ANKUB1: variants seen among roughly 807,000 people sequenced by gnomAD.
ANKUB1 encodes the protein ankyrin repeat and ubiquitin domain containing 1.
Under a neutral mutation model 49.3 loss-of-function variants are expected in ANKUB1, and 42 were observed. The observed-to-expected ratio is 0.85, with a 90% CI of 0.67 to 1.10. ANKUB1 has a LOEUF of 1.10. ANKUB1 is among the 50% of genes least tolerant of loss of function. The pLI is 0.00. For synonymous variants in ANKUB1, 222 were observed against 231.0 expected, an observed-to-expected ratio of 0.96 and a Z score of 0.35; for missense variants, 613 against 642.0, an observed-to-expected ratio of 0.95 and a Z score of 0.49.
chr3:149,764,007 C>G (rs777024239), intron 5 of ANKUB1: 1 of 456,236 alleles, frequency 2.2e-6, no homozygotes, highest in South Asian at 1.5e-5. Context: ...ACAGGAACAT[C>G]TGATGGTCAC....
rs549144007 is a variant in ANKUB1, at chr3:149,767,056, T to C, written c.1505+101A>G. The C allele has an allele frequency of 5.1e-6, 6 of 1,187,744 alleles. No homozygotes were observed. The East Asian group carries it at 1.3e-4, about 25-fold the overall frequency. 73.6% of individuals were successfully genotyped at this position (1,187,744 alleles called of 1,614,324 possible). On this transcript the variant is annotated intron_variant, in intron 5 of 5. Transcript: ENST00000446160. Reference sequence around the variant, plus strand: ...GGTATTGATGCACTGGAACAACTTGTATTACTTTCAGTGGCATAGTAGGGC... The same window carrying C: ...GGTATTGATGCACTGGAACAACTTGCATTACTTTCAGTGGCATAGTAGGGC...
At chr3:149,786,975 G>C (rs146651909) in intron 2 of ANKUB1, among the ~76,000 whole-genome samples, 4 of 152,056 alleles carry the variant, frequency 2.6e-5, no homozygotes, top group Non-Finnish European at 4.4e-5. Flanking sequence ...GGTTACTTTA[G>C]CCTTATAGTA....
chr3:149,767,448 A>G lies in ANKUB1; in HGVS notation c.1214T>C (p.Leu405Pro). ...ISQPDTRKQA[L>P]KFHPLVNASS... ...TGCATTCACCAGTGGATGAAATTTG[A>G]GGGCTTGTTTTCTTGTGTCCGGCTG... is the stretch of plus-strand genomic sequence containing the variant. The change falls in exon 5 of 6, where the codon CTC (leucine) becomes CCC (proline). Residue 405 changes from leucine to proline, a missense_variant. Transcript: ENST00000446160. The G allele has an allele frequency of 6.4e-7, 1 of 1,551,658 alleles. No homozygotes were observed. The highest frequency in any genetic ancestry group is 8.7e-7 in the Non-Finnish European group (1 of 1,146,994).
intron 2 of ANKUB1, among the ~76,000 whole-genome samples, chr3:149,785,077 T>C (rs889204056): frequency 1.1e-4 from 16 of 152,132 alleles, no homozygotes; most frequent in African/African-American, 3.6e-4. Flanking sequence ...CATACACTTT[T>C]GCAGTGCCTC....
intron 2 of ANKUB1, among the ~76,000 whole-genome samples, chr3:149,787,901 A>G (rs941345609): frequency 2.6e-5 from 4 of 152,214 alleles, no homozygotes; most frequent in Admixed American, 2.0e-4. Context: ...ATCTACTTGT[A>G]TCTTTTTAGA....
chr3:149,768,829 C>T (rs1464894010), intron 4 of ANKUB1, among the ~76,000 whole-genome samples: 1 of 152,118 alleles, frequency 6.6e-6, no homozygotes, highest in Non-Finnish European at 1.5e-5. Flanking sequence ...AGGTGTGAAC[C>T]ACTGTGCCCA....
chr3:149,764,628 C>T (rs1020291951), intron 5 of ANKUB1, among the ~76,000 whole-genome samples: 1 of 141,370 alleles, frequency 7.1e-6, no homozygotes, highest in East Asian at 2.4e-4. Context: ...TCCTCCCTTC[C>T]TCCCTTCCTC....
chr3:149,782,501 A>G (rs558761378), intron 2 of ANKUB1, among the ~76,000 whole-genome samples: 4 of 152,198 alleles, frequency 2.6e-5, no homozygotes, highest in Non-Finnish European at 5.9e-5. Flanking sequence ...ATAACTTAGT[A>G]TACATATAAC....
Position 149,792,340 on chromosome 3 carries a change from T to C in ANKUB1, c.27A>G (p.Gly9=), listed in dbSNP as rs1261602256. The C allele has an allele frequency of 6.6e-7, 1 of 1,525,500 alleles. No individual in the cohort carries two copies. Among genetic ancestry groups the C allele is most frequent in the Admixed American group, 2.1e-5 (1 of 47,656 alleles). The allele number at this position is 1,525,500 out of a possible 1,614,324, so 94.5% of individuals were successfully genotyped here. A position where few individuals can be genotyped will look rare whatever the true frequency, so the allele number is the denominator to read the frequency against. MRIFIAFE[G]SFEPFDVSAD... ...CTGAAACATCAAACGGTTCAAAAGA[T>C]CCTTCAAAGGCGATGAAAATCCTCA... is the stretch of plus-strand genomic sequence containing the variant. The change falls in exon 1 of 6, where the codon GGA becomes GGG. Residue 9 remains glycine (G), a synonymous_variant. Coordinates refer to ENST00000446160, the MANE Select transcript of ANKUB1 (RefSeq NM_001144960.3).
intron 2 of ANKUB1, among the ~76,000 whole-genome samples, chr3:149,781,554 G>C (rs575171558): frequency 6.6e-6 from 1 of 152,172 alleles, no homozygotes; most frequent in South Asian, 2.1e-4. Flanking sequence ...GGTTCTTCAG[G>C]GGGCTCCAAC....
intron 4 of ANKUB1, among the ~76,000 whole-genome samples, chr3:149,768,402 T>C (rs1041289478): frequency 2.0e-5 from 3 of 150,462 alleles, no homozygotes; most frequent in Non-Finnish European, 4.4e-5. Context: ...TCTGATCATG[T>C]ACATTCTCTG....
chr3:149,781,026 A>G (rs1404631974), intron 2 of ANKUB1, among the ~76,000 whole-genome samples: 2 of 127,198 alleles, frequency 1.6e-5, no homozygotes, highest in Non-Finnish European at 3.2e-5. Context: ...TTGTCTCACT[A>G]TGATGCCCAG....
chr3:149,761,729 C>G (rs1399638453), intron 5 of ANKUB1, 116 bp from the exon 6 acceptor site: 4 of 1,137,624 alleles, frequency 3.5e-6, no homozygotes, highest in Admixed American at 5.4e-5. Flanking sequence ...TGTCTTGTCA[C>G]ATAGGTAGAT....
chr3:149,792,248 T>A, intron 1 of ANKUB1, 29 bp downstream of exon 1: 1 of 1,428,706 alleles, frequency 7.0e-7, no homozygotes, highest in Admixed American at 2.6e-5. Context: ...TTAATATACA[T>A]TTTGGTGGTT....
chr3:149,791,737 T>C (rs1175902567), intron 1 of ANKUB1, among the ~76,000 whole-genome samples: 1 of 152,246 alleles, frequency 6.6e-6, no homozygotes, highest in Non-Finnish European at 1.5e-5. Context: ...AGGAAGATAC[T>C]ATACCCAAGT....
chr3:149,781,918 T>G (rs1379197406), intron 2 of ANKUB1, among the ~76,000 whole-genome samples: 1 of 152,168 alleles, frequency 6.6e-6, no homozygotes, highest in Non-Finnish European at 1.5e-5. Flanking sequence ...TTCATGATAG[T>G]TTCTCATAAA....
At chr3:149,784,837 A>G (rs1442509182) in intron 2 of ANKUB1, among the ~76,000 whole-genome samples, 1 of 152,168 alleles carries the variant, frequency 6.6e-6, no homozygotes, top group Non-Finnish European at 1.5e-5. Flanking sequence ...CTTGCTATGA[A>G]TTGCAGACAA....
At position 149,770,721 on chromosome 3, in the gene ANKUB1, T is replaced by C. The variant is rs1038132191; in HGVS notation, c.452-47A>G. On this transcript the variant is annotated intron_variant, in intron 3 of 5. Coordinates refer to ENST00000446160, the MANE Select transcript of ANKUB1 (RefSeq NM_001144960.3). ...TTATGGTTCCAGTCCAGCAGTGTGG[T>C]TTGACAATCCATAAAACTTCTAATG... The C allele has an allele frequency of 4.2e-6, 5 of 1,202,468 alleles. No individual in the cohort carries two copies. The Middle Eastern group carries it at 5.8e-4, about 139-fold the overall frequency. The allele number at this position is 1,202,468 out of a possible 1,614,324, so 74.5% of individuals were successfully genotyped here. A position where few individuals can be genotyped will look rare whatever the true frequency, so the allele number is the denominator to read the frequency against.
intron 5 of ANKUB1, chr3:149,766,817 AAGCAGC>A (rs11268295): frequency 0.014 from 12,795 of 900,186 alleles, 1,047 homozygotes; most frequent in East Asian, 0.034. Flanking sequence ...GAAAAAAGAA[AAGCAGC>A]AGCAGCAGCA....
Sources: gnomAD v4.1 joint callset for allele counts (sites outside exome capture counted in the v4.1 genomes callset) on GRCh38, gnomAD v4.1.1 for gene constraint, MANE v1.5 for transcripts, NCBI Gene and HGNC (gene_info 2026-07-23, HGNC 2026-07-21) for gene names.